Variants in TNRC6B observed in about 807,000 individuals in gnomAD.
TNRC6B encodes trinucleotide repeat containing adaptor 6B.
TNRC6B carries 52 observed loss-of-function variants against 203.6 expected under a neutral mutation model. That is an observed-to-expected ratio of 0.26 (90% CI 0.20 to 0.32). The LOEUF is 0.32. TNRC6B is among the 10% of genes least tolerant of loss of function. TNRC6B has a pLI of 1.00. For missense variants in TNRC6B, 1,923 were observed against 2,286.2 expected, an observed-to-expected ratio of 0.84 and a Z score of 3.24; for synonymous variants, 838 against 845.7, an observed-to-expected ratio of 0.99 and a Z score of 0.16.
intron 1 of TNRC6B, among the ~76,000 whole-genome samples, chr22:40,180,966 A>G (rs1456764675): frequency 6.6e-6 from 1 of 152,232 alleles, no homozygotes; most frequent in Admixed American, 6.5e-5. Context: ...TGTCTCAGAA[A>G]AAAATGTCAC....
rs541190877 is a variant in TNRC6B, at chr22:40,112,794, T to C, written c.-120-4261T>C. ...AATAAGTGAATGAGAAATTAGTATGTTGAGACCACAAATATAAACTGCTTT... is the reference window on the plus strand; with the variant it reads ...AATAAGTGAATGAGAAATTAGTATGCTGAGACCACAAATATAAACTGCTTT... On this transcript the variant is annotated intron_variant, in intron 1 of 23. Transcript: ENST00000301923. 9.2e-5 allele frequency among the ~76,000 whole-genome samples: 14 copies of C among 152,306 alleles called. No individual in the cohort carries two copies. In the South Asian group the frequency reaches 2.9e-3, roughly 32 times the overall value.
intron 1 of TNRC6B, among the ~76,000 whole-genome samples, chr22:40,233,612 C>G (rs1249897629): frequency 6.6e-6 from 1 of 151,216 alleles, no homozygotes; most frequent in East Asian, 1.9e-4. Flanking sequence ...CAGAGCAAGA[C>G]TCCGTCTCAA....
chr22:40,207,415 AAAAATATATATAT>A (rs916101096), intron 1 of TNRC6B, among the ~76,000 whole-genome samples: 3 of 113,082 alleles, frequency 2.7e-5, no homozygotes, highest in African/African-American at 1.7e-4. Flanking sequence ...TCAAAAAAAA[AAAAATATATATAT>A]ATATATATAT....
intron 3 of TNRC6B, among the ~76,000 whole-genome samples, chr22:40,260,479 C>G (rs927523677): frequency 1.3e-5 from 2 of 152,002 alleles, no homozygotes; most frequent in Non-Finnish European, 2.9e-5. Flanking sequence ...AGAGATGGGA[C>G]TTGTAGATGG....
chr22:40,177,638 T>TC (rs1225646305), upstream of TNRC6B, among the ~76,000 whole-genome samples: 3 of 152,192 alleles, frequency 2.0e-5, no homozygotes, highest in Admixed American at 6.5e-5. Flanking sequence ...CAGGAGAAGA[T>TC]CCAGGAGCTG....
chr22:40,075,541 G>T (rs1182625926), intron 1 of TNRC6B, among the ~76,000 whole-genome samples: 1 of 151,724 alleles, frequency 6.6e-6, no homozygotes, highest in African/African-American at 2.4e-5. Flanking sequence ...ATTTTAGATA[G>T]TAGATAGTTG....
rs901432492 is a variant in TNRC6B at position 40,324,646 on chromosome 22, A to G, written c.*1405A>G. 4 of 152,678 alleles carry G rather than the reference A, an allele frequency of 2.6e-5. No homozygotes were observed. Among genetic ancestry groups the G allele is most frequent in the Non-Finnish European group, 2.9e-5 (2 of 68,048 alleles). The allele number at this position is 152,678 out of a possible 1,614,324, so 9.5% of individuals were successfully genotyped here. ...CCGTGGCGCGTTACAGCACCAGGCCATCACTGACAGAAACGTTTACTTAAC... is the reference window on the plus strand; with the variant it reads ...CCGTGGCGCGTTACAGCACCAGGCCGTCACTGACAGAAACGTTTACTTAAC... On this transcript the variant is annotated 3_prime_UTR_variant, in exon 23 of 23. Transcript: ENST00000454349.
intron 1 of TNRC6B, among the ~76,000 whole-genome samples, chr22:40,073,926 G>A (rs944686126): frequency 1.3e-5 from 2 of 152,056 alleles, no homozygotes; most frequent in East Asian, 1.9e-4. Flanking sequence ...AAAATTAGTC[G>A]GGCATGGTGG....
chr22:40,299,163 A>AGC (rs1181596219), intron 12 of TNRC6B, among the ~76,000 whole-genome samples: 1 of 149,122 alleles, frequency 6.7e-6, no homozygotes, highest in Non-Finnish European at 1.5e-5. Context: ...AAAAACAAAA[A>AGC]AAAAAAAAAA....
intron 2 of TNRC6B, among the ~76,000 whole-genome samples, chr22:40,124,744 G>A (rs1395515334): frequency 1.3e-5 from 2 of 152,120 alleles, no homozygotes; most frequent in Non-Finnish European, 2.9e-5. Flanking sequence ...GCCAGGAGCG[G>A]TGGCTCACGC....
In TNRC6B at chr22:40,329,034, AAAAC is replaced by A. The variant is rs746677757; in HGVS notation, c.*5797_*5800del. On this transcript the variant is annotated 3_prime_UTR_variant, in exon 23 of 23. Coordinates refer to ENST00000454349, the MANE Select transcript of TNRC6B (RefSeq NM_001162501.2). ...AGTGTTACTGCAAAAAAAAAAAACAAAAACAAAACAAAAAAAAGCCTTGTTCTTT... is the reference window on the plus strand; with the variant it reads ...AGTGTTACTGCAAAAAAAAAAAACAAAAAACAAAAAAAAGCCTTGTTCTTT... 24 of 152,640 alleles carry A rather than the reference AAAAC, an allele frequency of 1.6e-4. No homozygotes were observed. In the Middle Eastern group the frequency reaches 0.01, roughly 65 times the overall value. The allele number at this position is 152,640 out of a possible 1,614,324, so 9.5% of individuals were successfully genotyped here.
intron 1 of TNRC6B, among the ~76,000 whole-genome samples, chr22:40,208,904 G>A (rs1256915466): frequency 6.6e-6 from 1 of 152,228 alleles, no homozygotes; most frequent in Non-Finnish European, 1.5e-5. Flanking sequence ...AGTGATCCTT[G>A]TTTGTCCCAT....
chr22:40,118,153 C>T (rs1601824092), intron 2 of TNRC6B, among the ~76,000 whole-genome samples: 3 of 152,232 alleles, frequency 2.0e-5, no homozygotes, highest in African/African-American at 7.2e-5. Flanking sequence ...CTTTGCTAGG[C>T]TTATGTGCCT....
intron 1 of TNRC6B, among the ~76,000 whole-genome samples, chr22:40,233,177 G>T (rs2069899924): frequency 6.6e-6 from 1 of 151,916 alleles, no homozygotes; most frequent in Non-Finnish European, 1.5e-5. Flanking sequence ...AAAGAAATTA[G>T]CCAGGTGTGG....
intron 1 of TNRC6B, among the ~76,000 whole-genome samples, chr22:40,079,291 GGGCGA>G (rs2068046205): frequency 6.6e-6 from 1 of 152,054 alleles, no homozygotes; most frequent in South Asian, 2.1e-4. Flanking sequence ...TGCTTCTGGT[GGGCGA>G]GTGGGTGTTA....
At chr22:40,073,020 C>G (rs2067966249) in intron 1 of TNRC6B, among the ~76,000 whole-genome samples, 1 of 151,998 alleles carries the variant, frequency 6.6e-6, no homozygotes, top group African/African-American at 2.4e-5. Context: ...TAAGTATTGC[C>G]TGACATGTAT....
chr22:40,050,606 CTCAGT>C (rs2067736510), intron 1 of TNRC6B, among the ~76,000 whole-genome samples: 1 of 152,168 alleles, frequency 6.6e-6, no homozygotes, highest in Non-Finnish European at 1.5e-5. Context: ...CCCATCCACC[CTCAGT>C]TAAGACTGGC....
chr22:40,153,061 A>C (rs1018445125), intron 3 of TNRC6B, among the ~76,000 whole-genome samples: 1 of 152,084 alleles, frequency 6.6e-6, no homozygotes, highest in Non-Finnish European at 1.5e-5. Flanking sequence ...AGATCACACC[A>C]CTTCTCTCCA....
intron 1 of TNRC6B, 128 bp downstream of exon 1, chr22:40,178,268 CTG>C: frequency 9.5e-7 from 1 of 1,056,790 alleles, no homozygotes; most frequent in Non-Finnish European, 1.4e-6. Flanking sequence ...TTTCGTGGAT[CTG>C]TGTAAATCAG....
Sources: allele counts gnomAD v4.1 joint callset (sites outside exome capture counted in the v4.1 genomes callset), GRCh38; gene constraint gnomAD v4.1.1; transcripts MANE v1.5; gene names NCBI Gene and HGNC (gene_info 2026-07-23, HGNC 2026-07-21).